Variants in NR6A1 observed in about 807,000 individuals in gnomAD.
NR6A1 encodes the protein retinoic acid receptor-related testis-associated receptor.
NR6A1 carries 7 observed loss-of-function variants against 59.1 expected under a neutral mutation model. That is an observed-to-expected ratio of 0.12 (90% confidence interval 0.07 to 0.22). The LOEUF (loss-of-function observed/expected upper bound fraction) is 0.22. Ranked by LOEUF, NR6A1 falls within the 10% of genes least tolerant of loss-of-function variation. The pLI is 1.00. For missense variants in NR6A1, 468 were observed against 611.6 expected, an observed-to-expected ratio of 0.77 and a Z score of 2.48; for synonymous variants, 243 against 236.1, an observed-to-expected ratio of 1.03 and a Z score of -0.27.
At chr9:124,697,327 C>T (rs145701575) in intron 2 of NR6A1, among the ~76,000 whole-genome samples, 2 of 152,156 alleles carry the variant, frequency 1.3e-5, no homozygotes, top group African/African-American at 4.8e-5. Context: ...AAGTATATAA[C>T]GTAAAAGGCA....
intron 2 of NR6A1, among the ~76,000 whole-genome samples, chr9:124,691,603 G>A (rs1024996945): frequency 7.9e-5 from 12 of 152,126 alleles, no homozygotes; most frequent in South Asian, 2.1e-4. Context: ...TACTGGTATC[G>A]TTTCAGCCAG....
At chr9:124,760,978 C>G (rs1173697362) in intron 1 of NR6A1, among the ~76,000 whole-genome samples, 1 of 152,214 alleles carries the variant, frequency 6.6e-6, no homozygotes, top group Non-Finnish European at 1.5e-5. Context: ...GTTTATTATC[C>G]TGCTAAAAAG....
At chr9:124,748,045 G>A (rs986135491) in intron 1 of NR6A1, among the ~76,000 whole-genome samples, 4 of 152,154 alleles carry the variant, frequency 2.6e-5, no homozygotes, top group Admixed American at 1.3e-4. Flanking sequence ...AGCTTGAAAA[G>A]GATAACACCT....
chr9:124,696,274 G>C (rs2131034700), intron 2 of NR6A1, among the ~76,000 whole-genome samples: 1 of 152,040 alleles, frequency 6.6e-6, no homozygotes, highest in South Asian at 2.1e-4. Flanking sequence ...GAAGAAAAGA[G>C]AAAAAAGAGA....
At chr9:124,702,688 C>T (rs1462455799) in intron 2 of NR6A1, among the ~76,000 whole-genome samples, 1 of 152,108 alleles carries the variant, frequency 6.6e-6, no homozygotes, top group Non-Finnish European at 1.5e-5. Flanking sequence ...TCCTCTCTTG[C>T]TCTTTCTCTT....
chr9:124,638,414 C>T (rs1301759065), intron 2 of NR6A1, among the ~76,000 whole-genome samples: 5 of 152,068 alleles, frequency 3.3e-5, no homozygotes, highest in South Asian at 2.1e-4. Flanking sequence ...CTTTTACTGA[C>T]GGTTTTCTCT....
intron 7 of NR6A1, among the ~76,000 whole-genome samples, chr9:124,527,447 T>C (rs1041501980): frequency 2.0e-5 from 3 of 152,232 alleles, no homozygotes; most frequent in African/African-American, 7.2e-5. Context: ...TTTATTGGCA[T>C]CCCTGACTTT....
chr9:124,554,169 G>A (rs1015664748), intron 3 of NR6A1, among the ~76,000 whole-genome samples, 159 bp downstream of exon 3: 7 of 152,124 alleles, frequency 4.6e-5, no homozygotes. Flanking sequence ...CCTAGTTTAG[G>A]AAGGTCTTAT....
intron 3 of NR6A1, among the ~76,000 whole-genome samples, chr9:124,551,292 CA>C (rs780982561): frequency 1.4e-4 from 21 of 152,320 alleles, no homozygotes; most frequent in Non-Finnish European, 2.1e-4. Flanking sequence ...CCTACCCACA[CA>C]AGGTATCTAT....
intron 1 of NR6A1, among the ~76,000 whole-genome samples, chr9:124,746,242 C>A (rs1364992449): frequency 1.3e-5 from 2 of 152,152 alleles, no homozygotes; most frequent in African/African-American, 2.4e-5. Context: ...ACATCTTTAA[C>A]CTTTCATCCC....
chr9:124,672,346 G>C (rs546576876), intron 2 of NR6A1, among the ~76,000 whole-genome samples: 189 of 152,186 alleles, frequency 1.2e-3, no homozygotes, highest in Non-Finnish European at 2.3e-3. Flanking sequence ...GCTGGACACA[G>C]TGGCTGACAC....
chr9:124,688,907 C>G (rs1838429840), intron 2 of NR6A1, among the ~76,000 whole-genome samples: 1 of 152,108 alleles, frequency 6.6e-6, no homozygotes. Flanking sequence ...ATAATGTTAT[C>G]TAATTTAATC....
chr9:124,745,671 TAAAAAAAAAA>T (rs11334137), intron 1 of NR6A1, among the ~76,000 whole-genome samples: 1 of 121,416 alleles, frequency 8.2e-6, no homozygotes, highest in African/African-American at 3.2e-5. Flanking sequence ...AACTCTGTCT[TAAAAAAAAAA>T]AAAAAAAATC....
At chr9:124,588,018 A>T (rs1440943820) in intron 2 of NR6A1, among the ~76,000 whole-genome samples, 5 of 151,150 alleles carry the variant, frequency 3.3e-5, no homozygotes, top group African/African-American at 1.2e-4. Flanking sequence ...CAAAACTAGA[A>T]CTCCTCTCTC....
intron 2 of NR6A1, among the ~76,000 whole-genome samples, chr9:124,707,952 T>C (rs1258101281): frequency 6.6e-6 from 1 of 152,196 alleles, no homozygotes; most frequent in Non-Finnish European, 1.5e-5. Flanking sequence ...CAGTTACTTT[T>C]TGCTTGGCTT....
rs1432866932 is a variant in NR6A1 at position 124,771,063 on chromosome 9, C to T, written c.57G>A (p.Gly19=). The part of the protein sequence containing the change: ...SGGGGGGGSA[G]FLEPPAALPP... ...GGAGCGCGGCGGGAGGCTCCAGGAA[C>T]CCCGCCGAGCCCCCGCCGCCTCCCC... The change falls in exon 1 of 10, where the codon GGG becomes GGA. Residue 19 remains glycine, a synonymous_variant. Transcript: ENST00000487099. 8.1e-7 allele frequency: 1 copy of T among 1,230,454 alleles called. No homozygotes were observed. The highest frequency in any genetic ancestry group is 4.1e-5 in the South Asian group (1 of 24,362). 76.2% of individuals were successfully genotyped at this position (1,230,454 alleles called of 1,614,324 possible).
intron 2 of NR6A1, among the ~76,000 whole-genome samples, chr9:124,730,555 CTTT>C (rs56330244): frequency 5.7e-5 from 7 of 123,112 alleles, no homozygotes; most frequent in African/African-American, 9.2e-5. Flanking sequence ...ATTTTTTAGT[CTTT>C]TTTTTTTTTT....
intron 2 of NR6A1, among the ~76,000 whole-genome samples, chr9:124,722,758 C>CAGGTCTAGCA (rs1188784805): frequency 6.6e-6 from 1 of 152,118 alleles, no homozygotes; most frequent in African/African-American, 2.4e-5. Flanking sequence ...ACTCCCGACA[C>CAGGTCTAGCA]CCAGGCTAGA....
At chr9:124,709,617 T>C (rs1839218658) in intron 2 of NR6A1, among the ~76,000 whole-genome samples, 1 of 152,110 alleles carries the variant, frequency 6.6e-6, no homozygotes, top group South Asian at 2.1e-4. Context: ...TTGCATGCTC[T>C]GCCATTGAGC....
Sources: gnomAD v4.1 joint callset for allele counts (sites outside exome capture counted in the v4.1 genomes callset) on GRCh38, gnomAD v4.1.1 for gene constraint, MANE v1.5 for transcripts, NCBI Gene and HGNC (gene_info 2026-07-23, HGNC 2026-07-21) for gene names.